The following SLC38A6 variants were observed in gnomAD, a reference collection of about 807,000 sequenced individuals.
SLC38A6 encodes N system amino acid transporter NAT-1.
SLC38A6 carries 73 observed loss-of-function variants against 65.0 expected under a neutral mutation model. The ratio of observed to expected loss-of-function variants is 1.12; its 90% CI spans 0.93 to 1.37. The LOEUF (loss-of-function observed/expected upper bound fraction) is 1.37, where lower values mean the gene tolerates loss of function less well. Ranked by LOEUF, SLC38A6 falls within the 40% of genes most tolerant of loss-of-function variation. The pLI, the probability that SLC38A6 is intolerant of heterozygous loss-of-function variation, is 0.00. For synonymous variants in SLC38A6, 183 were observed against 178.8 expected (o/e 1.02, Z -0.19); for missense variants, 561 against 531.1 (o/e 1.06, Z -0.55).
At chr14:60,986,718 CT>C (rs1264457632) in intron 3 of SLC38A6, among the ~76,000 whole-genome samples, 1 of 152,168 alleles carries the variant, frequency 6.6e-6, no homozygotes, top group African/African-American at 2.4e-5. Context: ...AAAAATTTTA[CT>C]TAATTGTGAT....
At chr14:61,061,045 C>G (rs545502750) in intron 15 of SLC38A6, among the ~76,000 whole-genome samples, 4 of 151,986 alleles carry the variant, frequency 2.6e-5, no homozygotes, top group East Asian at 2.0e-4. Context: ...GAGAAGAACC[C>G]GGTACCTCAG....
At chr14:61,081,483 G>A (rs2043646256) in intron 16 of SLC38A6, among the ~76,000 whole-genome samples, 2 of 152,078 alleles carry the variant, frequency 1.3e-5, no homozygotes, top group Non-Finnish European at 1.5e-5. Context: ...TCAGAAGTTC[G>A]AGACCAGCCT....
chr14:60,982,295 C>G (rs1354041599), intron 1 of SLC38A6: 1 of 621,154 alleles, frequency 1.6e-6, no homozygotes, highest in Non-Finnish European at 3.0e-6. Flanking sequence ...TGGTGGAAAT[C>G]ATTTTCCTAA....
chr14:61,010,276 TA>T (rs2139465285), intron 3 of SLC38A6, among the ~76,000 whole-genome samples: 1 of 152,336 alleles, frequency 6.6e-6, no homozygotes, highest in African/African-American at 2.4e-5. Flanking sequence ...TTCTGGATAT[TA>T]GCCCTTTGTC....
chr14:61,005,452 TCTC>T (rs1349052939), intron 3 of SLC38A6, among the ~76,000 whole-genome samples: 1 of 146,728 alleles, frequency 6.8e-6, no homozygotes, highest in Non-Finnish European at 1.5e-5. Flanking sequence ...CAGCCCAAAA[TCTC>T]CTTAAGCTGA....
intron 13 of SLC38A6, among the ~76,000 whole-genome samples, 172 bp downstream of exon 13, chr14:61,050,808 AAAT>A (rs964819575): frequency 6.6e-6 from 1 of 152,180 alleles, no homozygotes; most frequent in Admixed American, 6.5e-5. Flanking sequence ...AAAAGCATAA[AAAT>A]AACAGTGAGC....
At chr14:60,981,447 T>G (rs1594934297) in intron 1 of SLC38A6, 65 bp downstream of exon 1, 1 of 1,547,260 alleles carries the variant, frequency 6.5e-7, no homozygotes, top group Non-Finnish European at 8.7e-7. Context: ...GCCTGCCAAA[T>G]AAGACCCAGA....
At chr14:61,030,335 T>G in intron 5 of SLC38A6, 110 bp from the exon 6 acceptor site, 1 of 674,024 alleles carries the variant, frequency 1.5e-6, no homozygotes, top group Non-Finnish European at 2.5e-6. Context: ...TATGTTAATC[T>G]TCCATATGTT....
chr14:61,073,541 C>T (rs1441704362), intron 15 of SLC38A6, among the ~76,000 whole-genome samples: 3 of 152,084 alleles, frequency 2.0e-5, no homozygotes, highest in African/African-American at 4.8e-5. Flanking sequence ...CCAACTAATC[C>T]TTGGATCTAT....
At chr14:61,038,883 T>C (rs923991112) in intron 8 of SLC38A6, among the ~76,000 whole-genome samples, 14 of 152,198 alleles carry the variant, frequency 9.2e-5, no homozygotes, top group African/African-American at 3.4e-4. Flanking sequence ...ATAAGTGAAT[T>C]GAACATACAC....
At chr14:61,052,200 T>C in intron 15 of SLC38A6, 65 bp downstream of exon 15, 1 of 1,380,080 alleles carries the variant, frequency 7.2e-7, no homozygotes, top group Non-Finnish European at 9.8e-7. Flanking sequence ...CAGTTTATAT[T>C]ATTTTACCTG....
chr14:60,985,431 T>C (rs1020223384), intron 3 of SLC38A6, among the ~76,000 whole-genome samples: 16 of 152,246 alleles, frequency 1.1e-4, no homozygotes, highest in Admixed American at 1.0e-3. Context: ...AATAAAAGTA[T>C]ATGAATTATA....
chr14:61,010,823 T>C (rs1010267280), intron 3 of SLC38A6, among the ~76,000 whole-genome samples: 16 of 152,218 alleles, frequency 1.1e-4, no homozygotes, highest in African/African-American at 3.9e-4. Context: ...GCGTGATGCC[T>C]CCAGCTTTGT....
At chr14:61,064,269 C>T (rs567156541) in intron 15 of SLC38A6, among the ~76,000 whole-genome samples, 11 of 152,322 alleles carry the variant, frequency 7.2e-5, no homozygotes, top group African/African-American at 2.6e-4. Flanking sequence ...GTACCCTCTT[C>T]TTCTGTTTAT....
rs185908765 is a variant in SLC38A6, at chr14:61,076,228, A to G, written c.1291-2582A>G. Among the ~76,000 whole-genome samples, 92 of 152,276 alleles carry G rather than the reference A, an allele frequency of 6.0e-4. No homozygotes were observed. In the East Asian group the frequency reaches 0.017, roughly 29 times the overall value. ...GGGGCCCCTAGGGAAGAGCACTCCC[A>G]TGGAAAAAGAGTAGAAACAAATTTT... On this transcript the variant is annotated intron_variant, in intron 15 of 16. Transcript: ENST00000354886.
intron 3 of SLC38A6, among the ~76,000 whole-genome samples, chr14:60,993,715 A>T (rs538363686): frequency 2.6e-5 from 4 of 152,368 alleles, no homozygotes; most frequent in African/African-American, 9.6e-5. Flanking sequence ...ATAGTTAAGC[A>T]TACCACTCAA....
chr14:60,984,639 T>A, intron 2 of SLC38A6, 91 bp from the exon 3 acceptor site: 1 of 963,684 alleles, frequency 1.0e-6, no homozygotes, highest in Non-Finnish European at 1.7e-6. Context: ...CTGTGAATAT[T>A]TGACTGTTAA....
intron 3 of SLC38A6, among the ~76,000 whole-genome samples, chr14:61,002,400 A>T (rs192665588): frequency 5.9e-4 from 90 of 152,332 alleles, no homozygotes; most frequent in East Asian, 5.6e-3. Flanking sequence ...CAAAATAATA[A>T]GGGTACATTC....
Position 60,981,549 on chromosome 14 carries a change from G to A in SLC38A6, c.105+167G>A, listed in dbSNP as rs2139653341. 12 of 1,530,980 alleles carry A rather than the reference G, an allele frequency of 7.8e-6. 1 individual carries two copies. In the South Asian group the frequency reaches 1.1e-4, roughly 14 times the overall value. The allele number at this position is 1,530,980 out of a possible 1,614,324, so 94.8% of individuals were successfully genotyped here. A position where few individuals can be genotyped will look rare whatever the true frequency, so the allele number is the denominator to read the frequency against. On this transcript the variant is annotated intron_variant, in intron 1 of 15. Coordinates refer to ENST00000267488, the MANE Select transcript of SLC38A6 (RefSeq NM_153811.3). ...CAGCCGCCGAGATTCAGATGAGATT[G>A]GCGCAGTTATGAACGTGATAGCAGC...
Sources: allele counts gnomAD v4.1 joint callset (sites outside exome capture counted in the v4.1 genomes callset), GRCh38; gene constraint gnomAD v4.1.1; transcripts MANE v1.5; gene names NCBI Gene and HGNC (gene_info 2026-07-23, HGNC 2026-07-21).